NCOR2: variants seen among roughly 807,000 people sequenced by gnomAD.
NCOR2 encodes nuclear receptor corepressor 2.
NCOR2 carries 81 observed loss-of-function variants against 262.9 expected under a neutral mutation model. That is an observed-to-expected ratio of 0.31 (90% CI 0.26 to 0.37). The LOEUF (loss-of-function observed/expected upper bound fraction) is 0.37, where lower values mean the gene tolerates loss of function less well. Among genes scored for constraint, NCOR2 ranks in the 10% least tolerant of loss-of-function variants. The pLI, the probability that NCOR2 is intolerant of heterozygous loss-of-function variation, is 1.00. For missense variants in NCOR2, 3,385 were observed against 3,621.4 expected (o/e 0.93, Z 1.68); for synonymous variants, 1,659 against 1,559.3 (o/e 1.06, Z -1.51).
intron 30 of NCOR2, 150 bp downstream of exon 32, chr12:124,347,675 T>G: frequency 1.4e-6 from 1 of 732,542 alleles, no homozygotes; most frequent in East Asian, 2.7e-5. Context: ...GCTCCGTAGC[T>G]CACGTACTGA....
rs371862138 is a variant in NCOR2 at position 124,378,343 on chromosome 12, C to T, written c.2061G>A (p.Pro687=). The change falls in exon 18 of 47, where the codon CCG becomes CCA. Residue 687 remains proline, a synonymous_variant. Coordinates refer to ENST00000405201, the Ensembl canonical transcript of NCOR2. The surrounding 1 kb of genome is among the most constrained non-coding windows in gnomAD (Gnocchi z 4.2). ...ATGCAGCCTCCTCGCTGGCCGCCGCCGGCGCTTTCTTCTTCTTCCTCCGCG... is the reference window on the plus strand; with the variant it reads ...ATGCAGCCTCCTCGCTGGCCGCCGCTGGCGCTTTCTTCTTCTTCCTCCGCG... 43 of 1,613,730 alleles carry T rather than the reference C, an allele frequency of 2.7e-5. No homozygotes were observed. The highest frequency in any genetic ancestry group is 3.2e-5 in the Non-Finnish European group (38 of 1,179,890).
intron 1 of NCOR2, among the ~76,000 whole-genome samples, chr12:124,502,280 TA>T (rs1326670167): frequency 2.6e-5 from 4 of 152,216 alleles, no homozygotes; most frequent in Admixed American, 6.5e-5. Context: ...CACGATTTGT[TA>T]AGCACCTACT....
At chr12:124,448,688 A>T (rs904653966) in intron 7 of NCOR2, among the ~76,000 whole-genome samples, 1 of 152,040 alleles carries the variant, frequency 6.6e-6, no homozygotes, top group Non-Finnish European at 1.5e-5. Context: ...CCAGTCGCGC[A>T]ACTCTGGAAA....
At chr12:124,331,277 G>A (rs1009214173) in intron 43 of NCOR2, among the ~76,000 whole-genome samples, 3 of 152,008 alleles carry the variant, frequency 2.0e-5, no homozygotes, top group Non-Finnish European at 2.9e-5. Flanking sequence ...TGGTCAGGCT[G>A]GTCTCAAACT....
At chr12:124,419,905 G>T in intron 13 of NCOR2, 52 bp downstream of exon 15, 1 of 1,530,030 alleles carries the variant, frequency 6.5e-7, no homozygotes. Flanking sequence ...GCAAGTGGCC[G>T]CTGAGCATGC....
At chr12:124,479,973 C>T (rs996425736) in intron 3 of NCOR2, among the ~76,000 whole-genome samples, 31 of 152,256 alleles carry the variant, frequency 2.0e-4, no homozygotes, top group Admixed American at 5.9e-4. Flanking sequence ...CTGGGCATGA[C>T]TTGGCACGTG....
chr12:124,544,047 TCA>T (rs2051464742), intron 1 of NCOR2, among the ~76,000 whole-genome samples: 1 of 152,150 alleles, frequency 6.6e-6, no homozygotes, highest in South Asian at 2.1e-4. Flanking sequence ...GGATCCACAC[TCA>T]GCGTCAGTCA....
At position 124,333,897 on chromosome 12, in the gene NCOR2, C is replaced by CGCGCGCATGTGTGTGT. The variant is rs1555299265; in HGVS notation, c.6605+526_6605+527insACACACACATGCGCGC. Among the ~76,000 whole-genome samples the CGCGCGCATGTGTGTGT allele has an allele frequency of 1.2e-3, 143 of 123,682 alleles. 4 individuals are homozygous for CGCGCGCATGTGTGTGT. Among genetic ancestry groups the CGCGCGCATGTGTGTGT allele is most frequent in the Middle Eastern group, 4.3e-3 (1 of 230 alleles). The allele number at this position is 123,682 out of a possible 152,430, so 81.1% of individuals were successfully genotyped here. ...GTGTGCGGGTGTGCATGTGTGTGTGCGCGCGCATGTGTGCGGGTGTGCATG... is the reference window on the plus strand; with the variant it reads ...GTGTGCGGGTGTGCATGTGTGTGTGCGCGCGCATGTGTGTGTGCGCGCATGTGTGCGGGTGTGCATG... On this transcript the variant is annotated intron_variant, in intron 41 of 46. Coordinates refer to ENST00000405201, the Ensembl canonical transcript of NCOR2.
intron 1 of NCOR2, among the ~76,000 whole-genome samples, chr12:124,520,729 G>A (rs2050138454): frequency 6.6e-6 from 1 of 152,196 alleles, no homozygotes; most frequent in Admixed American, 6.5e-5. Context: ...ATAAGCCAGT[G>A]TCTGGTTATC....
At chr12:124,445,893 G>T (rs961584250) in intron 7 of NCOR2, among the ~76,000 whole-genome samples, 1 of 152,226 alleles carries the variant, frequency 6.6e-6, no homozygotes, top group Non-Finnish European at 1.5e-5. Flanking sequence ...TGTACGTGCT[G>T]AGCACTGACC....
chr12:124,405,904 T>TG (rs369772132), intron 13 of NCOR2, among the ~76,000 whole-genome samples: 1 of 152,062 alleles, frequency 6.6e-6, no homozygotes, highest in Non-Finnish European at 1.5e-5. Context: ...CCCGGGCCAC[T>TG]GGGGGCCATG....
At chr12:124,450,654 G>T (rs1484433282) in intron 6 of NCOR2, among the ~76,000 whole-genome samples, 3 of 152,166 alleles carry the variant, frequency 2.0e-5, no homozygotes, top group Admixed American at 2.0e-4. Flanking sequence ...GCAAGCACAG[G>T]GCTTCAAAGA....
chr12:124,424,543 A>G (rs2043422504), intron 11 of NCOR2, among the ~76,000 whole-genome samples: 1 of 152,064 alleles, frequency 6.6e-6, no homozygotes, highest in Non-Finnish European at 1.5e-5. Flanking sequence ...ACGTTTCAAC[A>G]TTTCCATAAT....
chr12:124,461,769 G>T (rs2046177796), intron 5 of NCOR2, among the ~76,000 whole-genome samples: 1 of 152,224 alleles, frequency 6.6e-6, no homozygotes, highest in South Asian at 2.1e-4. Context: ...GCACACAGGT[G>T]CACAGATGCA....
chr12:124,462,741 A>G (rs1284812355), intron 5 of NCOR2, among the ~76,000 whole-genome samples: 2 of 152,188 alleles, frequency 1.3e-5, no homozygotes, highest in Non-Finnish European at 1.5e-5. Context: ...AGGAGTGCCA[A>G]AACCCCCAAA....
chr12:124,519,089 T>TACACACACACATACACATAC, intron 1 of NCOR2, among the ~76,000 whole-genome samples: 1 of 97,320 alleles, frequency 1.0e-5, no homozygotes, highest in South Asian at 4.1e-4. Context: ...GGCCAAATAA[T>TACACACACACATACACATAC]ACACACACAC....
rs144529409 is a variant in NCOR2 at position 124,562,680 on chromosome 12, G to A, written c.-165+4628C>T. Among the ~76,000 whole-genome samples the A allele has an allele frequency of 7.7e-3, 1,168 of 152,306 alleles. 61 individuals are homozygous for A. The highest frequency in any genetic ancestry group is 0.068 in the Admixed American group (1,043 of 15,308). Reference sequence around the variant, plus strand: ...CATTTGTGAAACACCAACGACCAACGGGAAAGGAGCCCACCGTCTCCAAAG... The same window carrying A: ...CATTTGTGAAACACCAACGACCAACAGGAAAGGAGCCCACCGTCTCCAAAG... On this transcript the variant is annotated intron_variant, in intron 1 of 32. Coordinates refer to the NCOR2 transcript ENST00000458234.
At chr12:124,417,664 G>A (rs774684376) in intron 13 of NCOR2, among the ~76,000 whole-genome samples, 20 of 152,264 alleles carry the variant, frequency 1.3e-4, no homozygotes, top group African/African-American at 2.4e-4. Context: ...AATCCCCACC[G>A]CTCCCTGCTG....
intron 14 of NCOR2, among the ~76,000 whole-genome samples, chr12:124,401,778 G>A (rs1430045088): frequency 6.6e-6 from 1 of 152,228 alleles, no homozygotes; most frequent in East Asian, 1.9e-4. Flanking sequence ...AAGCGTCTGG[G>A]AGACGGGGTG....
Sources: gnomAD v4.1 joint callset for allele counts (sites outside exome capture counted in the v4.1 genomes callset) on GRCh38, gnomAD v4.1.1 for gene constraint, Gnocchi (gnomAD v3.1) non-coding constraint, MANE v1.5 for transcripts, NCBI Gene and HGNC (gene_info 2026-07-23, HGNC 2026-07-21) for gene names.